Variants in TEX11 observed in about 807,000 individuals in gnomAD.
TEX11 encodes testis-expressed protein 11.
In TEX11, 7 loss-of-function variants were observed where a neutral mutation model predicts 84.4. That is an observed-to-expected ratio of 0.08 (90% CI 0.05 to 0.16). TEX11 has a LOEUF of 0.16. Among genes scored for constraint, TEX11 ranks in the 10% least tolerant of loss-of-function variants. TEX11 has a pLI of 1.00. For synonymous variants in TEX11, 264 were observed against 222.8 expected (o/e 1.18, Z -1.64); for missense variants, 551 against 660.5 (o/e 0.83, Z 1.82).
chrX:70,573,836 A>G (rs980557270), intron 25 of TEX11, among the ~76,000 whole-genome samples: 6 of 111,727 alleles, frequency 5.4e-5, no homozygotes, highest in Non-Finnish European at 7.5e-5. Flanking sequence ...GTAATATATA[A>G]TACATAAAAA....
chrX:70,802,375 G>A (rs1311277918), intron 9 of TEX11, among the ~76,000 whole-genome samples: 3 of 107,150 alleles, frequency 2.8e-5, no homozygotes, highest in Non-Finnish European at 5.7e-5. Context: ...CTGTTATAAT[G>A]ACATGTGAGA....
intron 25 of TEX11, among the ~76,000 whole-genome samples, chrX:70,590,332 A>G (rs374697488): frequency 1.8e-5 from 2 of 111,913 alleles, no homozygotes; most frequent in African/African-American, 6.5e-5. Context: ...ACTGCCAAAG[A>G]CATAACACAT....
intron 15 of TEX11, among the ~76,000 whole-genome samples, chrX:70,677,423 T>A: frequency 1.8e-5 from 2 of 111,861 alleles, no homozygotes; most frequent in Admixed American, 1.9e-4. Flanking sequence ...CCCGCTAATA[T>A]TTTTAGATGG....
chrX:70,816,643 C>T (rs1255944612), intron 8 of TEX11, among the ~76,000 whole-genome samples: 2 of 108,601 alleles, frequency 1.8e-5, no homozygotes, highest in Non-Finnish European at 3.8e-5. Context: ...ACCTGGGAGG[C>T]GGCAGTTGCA....
chrX:70,762,896 T>G (rs1215151832), intron 9 of TEX11, among the ~76,000 whole-genome samples: 1 of 110,345 alleles, frequency 9.1e-6, no homozygotes, highest in Non-Finnish European at 1.9e-5. Flanking sequence ...TAGCCAAGTG[T>G]GGTGGTGTGT....
In TEX11 at chrX:70,875,299, TC is replaced by T. The variant is rs1342132214; in HGVS notation, c.160-1993del. 2.3e-3 allele frequency among the ~76,000 whole-genome samples: 257 copies of T among 111,543 alleles called. 1 individual carries two copies. Among genetic ancestry groups the T allele is most frequent in the African/African-American group, 8.2e-3 (251 of 30,757 alleles). On this transcript the variant is annotated intron_variant, in intron 3 of 29. Transcript: ENST00000374333. ...TAGATGAAAATGTGTGGGGGGATAATCTTTGCACTTAATAGTGTTCTTCATA... is the reference window on the plus strand; with the variant it reads ...TAGATGAAAATGTGTGGGGGGATAATTTTGCACTTAATAGTGTTCTTCATA...
rs1237796777 is a variant in TEX11, at chrX:70,665,359, C to T, written c.1380+5018G>A. ...TGATAAACTGCTTCTGTATTTAGAA[C>T]CCAAGCTCATTTCCTTCATCCTTAA... is the stretch of plus-strand genomic sequence containing the variant. On this transcript the variant is annotated intron_variant, in intron 16 of 29. Transcript: ENST00000374333. 5.4e-5 allele frequency among the ~76,000 whole-genome samples: 6 copies of T among 111,588 alleles called. No individual in the cohort carries two copies. The South Asian group carries it at 2.3e-3, about 42-fold the overall frequency.
intron 9 of TEX11, among the ~76,000 whole-genome samples, chrX:70,802,334 C>A (rs1334465024): frequency 9.1e-6 from 1 of 110,410 alleles, no homozygotes; most frequent in African/African-American, 3.3e-5. Context: ...GAAATTTGAA[C>A]AATGTGTGTT....
intron 8 of TEX11, among the ~76,000 whole-genome samples, chrX:70,811,073 C>T (rs1036098671): frequency 2.7e-5 from 3 of 111,355 alleles, no homozygotes; most frequent in Non-Finnish European, 5.7e-5. Flanking sequence ...ATGTGCACAA[C>T]GTGCATGTTT....
At chrX:70,608,915 AC>A (rs1213581691) in intron 22 of TEX11, among the ~76,000 whole-genome samples, 175 bp downstream of exon 22, 3 of 110,951 alleles carry the variant, frequency 2.7e-5, no homozygotes, top group Non-Finnish European at 5.7e-5. Context: ...TTCATTTAAA[AC>A]CCTTAATAAC....
intron 9 of TEX11, among the ~76,000 whole-genome samples, chrX:70,771,984 T>G (rs973766296): frequency 6.3e-5 from 7 of 111,759 alleles, no homozygotes; most frequent in African/African-American, 2.3e-4. Context: ...GCTAGATCAG[T>G]CCTCATGGCA....
intron 25 of TEX11, among the ~76,000 whole-genome samples, chrX:70,568,252 T>G (rs1045465603): frequency 5.4e-5 from 6 of 111,465 alleles, no homozygotes; most frequent in Non-Finnish European, 7.5e-5. Flanking sequence ...GTTTTCCATT[T>G]GCTTGGTAGA....
chrX:70,882,077 C>T (rs149204237), intron 2 of TEX11, among the ~76,000 whole-genome samples: 6,831 of 107,101 alleles, frequency 0.064, 255 homozygotes, highest in Non-Finnish European at 0.1. Flanking sequence ...AACCCTCTAT[C>T]TTTCTTTTTC....
intron 25 of TEX11, among the ~76,000 whole-genome samples, chrX:70,573,954 C>T (rs1033162250): frequency 2.7e-5 from 3 of 111,394 alleles, no homozygotes; most frequent in Non-Finnish European, 5.7e-5. Context: ...TTGTCATAAC[C>T]ACTAATACTT....
intron 8 of TEX11, among the ~76,000 whole-genome samples, chrX:70,808,563 T>C (rs1350121398): frequency 9.2e-6 from 1 of 108,283 alleles, no homozygotes; most frequent in African/African-American, 3.3e-5. Context: ...ACTAACATAG[T>C]TCAGTTGGAT....
intron 17 of TEX11, among the ~76,000 whole-genome samples, chrX:70,650,745 A>C (rs1402663279): frequency 8.9e-6 from 1 of 112,183 alleles, no homozygotes; most frequent in Non-Finnish European, 1.9e-5. Flanking sequence ...GGATCCATTA[A>C]TTTAAGTTTC....
chrX:70,567,655 G>C (rs1252691996), intron 25 of TEX11, among the ~76,000 whole-genome samples: 1 of 111,242 alleles, frequency 9.0e-6, no homozygotes, highest in Non-Finnish European at 1.9e-5. Flanking sequence ...CCTTCGTTTT[G>C]TTATGTACCC....
chrX:70,567,044 T>C (rs1286013152), intron 25 of TEX11, among the ~76,000 whole-genome samples: 1 of 111,505 alleles, frequency 9.0e-6, no homozygotes, highest in Admixed American at 9.6e-5. Flanking sequence ...TGGGCTCTTT[T>C]TGGTTGGTAA....
At chrX:70,820,405 A>T (rs1436511693) in intron 8 of TEX11, among the ~76,000 whole-genome samples, 1 of 111,940 alleles carries the variant, frequency 8.9e-6, no homozygotes, top group East Asian at 2.8e-4. Context: ...ACAAAAATCA[A>T]CTCAGAATAA....
Sources: allele counts gnomAD v4.1 joint callset (sites outside exome capture counted in the v4.1 genomes callset), GRCh38; gene constraint gnomAD v4.1.1; transcripts MANE v1.5; gene names NCBI Gene and HGNC (gene_info 2026-07-23, HGNC 2026-07-21).